The following TTI1 variants were observed in gnomAD, a reference collection of about 807,000 sequenced individuals.
TTI1 encodes the protein TELO2 interacting protein 1, also known as TELO2-interacting protein 1 homolog.
In TTI1, 52 loss-of-function variants were observed where a neutral mutation model predicts 85.4. That is an observed-to-expected ratio of 0.61 (90% confidence interval 0.49 to 0.77). The LOEUF is 0.77. TTI1 is among the 30% of genes least tolerant of loss of function. The pLI is 0.00. For missense variants in TTI1, 1,173 were observed against 1,296.0 expected (o/e 0.91, Z 1.46); for synonymous variants, 512 against 503.9 (o/e 1.02, Z -0.22).
intron 1 of TTI1, among the ~76,000 whole-genome samples, chr20:38,022,408 G>A (rs544278860): frequency 2.6e-4 from 39 of 152,128 alleles, no homozygotes; most frequent in Non-Finnish European, 3.4e-4. Context: ...TTTGTTTACT[G>A]TTTCTCTCCT....
At chr20:38,024,151 T>C (rs2073806365) in intron 1 of TTI1, among the ~76,000 whole-genome samples, 1 of 152,144 alleles carries the variant, frequency 6.6e-6, no homozygotes, top group Non-Finnish European at 1.5e-5. Flanking sequence ...ACAGAATATA[T>C]ATACAAATGA....
rs566358917 is a variant in TTI1, at chr20:38,031,826, C to T, written c.-42+1578G>A. Among the ~76,000 whole-genome samples, 40 of 152,342 alleles carry T rather than the reference C, an allele frequency of 2.6e-4. 1 individual carries two copies. Among genetic ancestry groups the T allele is most frequent in the Admixed American group, 2.4e-3 (36 of 15,300 alleles). ...CAAGTACATAGGGTACTTAACCATG[C>T]TTTACATTTTCTCGTCTATCAAATA... On this transcript the variant is annotated intron_variant, in intron 1 of 7. Coordinates refer to ENST00000373447, the MANE Select transcript of TTI1 (RefSeq NM_001303457.2).
At position 38,012,280 on chromosome 20, in the gene TTI1, G is replaced by A. The variant is rs754808837; in HGVS notation, c.1537C>T (p.His513Tyr). 1.4e-5 allele frequency: 23 copies of A among 1,614,146 alleles called. No individual in the cohort carries two copies. Among genetic ancestry groups the A allele is most frequent in the Middle Eastern group, 3.3e-4 (2 of 6,062 alleles). ...LLVDHFMELY[H>Y]QSVVYRKQAA... is the part of the protein sequence containing the mutation. ...TGCTTCCGGTAAACCACAGATTGAT[G>A]GTAAAGTTCCATAAAGTGATCCACA... is the stretch of plus-strand genomic sequence containing the variant. The change falls in exon 2 of 8, where the codon CAT becomes TAT. Residue 513 changes from histidine to tyrosine, a missense_variant. Physicochemically the swap from His to Tyr is moderately conservative, Grantham distance 83. Transcript: ENST00000373447.
At chr20:37,987,551 A>T (rs868401381) in intron 7 of TTI1, 1 of 361,358 alleles carries the variant, frequency 2.8e-6, no homozygotes, top group Admixed American at 3.7e-5. Context: ...ACAGTTATCA[A>T]GAGATTATCT....
intron 1 of TTI1, among the ~76,000 whole-genome samples, chr20:38,020,269 C>A (rs1284861874): frequency 7.4e-6 from 1 of 134,418 alleles, no homozygotes; most frequent in African/African-American, 2.8e-5. Flanking sequence ...AAAAGAATGG[C>A]CTTTTCAATT....
At chr20:38,027,751 C>G (rs975185847) in intron 1 of TTI1, among the ~76,000 whole-genome samples, 4 of 151,984 alleles carry the variant, frequency 2.6e-5, no homozygotes, top group Admixed American at 6.6e-5. Flanking sequence ...ATGGTGAAAC[C>G]CCGTCTCTAC....
chr20:38,006,240 C>G lies in TTI1; in HGVS notation c.2460G>C (p.Lys820Asn). 6.2e-7 allele frequency: 1 copy of G among 1,614,216 alleles called. No individual in the cohort carries two copies. ...CCGAGACATTTCCATCTGCCACATC[C>G]TTCTCTTTGAGGTAGTTCAGCAAAA... ...EQFLLNYLKE[K>N]DVADGNVSDF... Residue 820 changes from lysine (K) to asparagine (N), a missense_variant, in exon 3 of 8, where the codon AAG (lysine) becomes AAC (asparagine). Coordinates refer to ENST00000373447, the MANE Select transcript of TTI1 (RefSeq NM_001303457.2).
chr20:38,011,666 C>A lies in TTI1; in HGVS notation c.2151G>T (p.Lys717Asn), dbSNP rs1186832983. The A allele has an allele frequency of 6.2e-7, 1 of 1,614,190 alleles. No homozygotes were observed. Among genetic ancestry groups the A allele is most frequent in the Non-Finnish European group, 8.5e-7 (1 of 1,180,040 alleles). ...AGTTCCGCAGCATGACTTCCAGGAC[C>A]TTTGGGGTATGAGGATGCAGAGCCA... ...RHLALHPHTP[K>N]VLEVMLRNSD... Residue 717 changes from lysine to asparagine, a missense_variant, in exon 2 of 8, where the codon AAG becomes AAT. Lys to Asn is a moderately conservative substitution (Grantham distance 94, BLOSUM62 0). Transcript: ENST00000373447.
chr20:38,007,294 T>C (rs915455705), intron 2 of TTI1, among the ~76,000 whole-genome samples: 2 of 152,250 alleles, frequency 1.3e-5, no homozygotes, highest in South Asian at 2.1e-4. Context: ...CTGGCCATTT[T>C]CTCTCCAAAG....
chr20:38,021,266 C>T (rs780617549), intron 1 of TTI1, among the ~76,000 whole-genome samples: 8 of 152,190 alleles, frequency 5.3e-5, no homozygotes, highest in Non-Finnish European at 8.8e-5. Flanking sequence ...TTTGGCATAA[C>T]ACATTGCTAC....
chr20:38,028,739 C>T (rs2073867688), intron 1 of TTI1, among the ~76,000 whole-genome samples: 1 of 152,144 alleles, frequency 6.6e-6, no homozygotes, highest in Non-Finnish European at 1.5e-5. Context: ...GACAGGATCT[C>T]ACTCTATTGC....
chr20:37,996,697 G>T, intron 6 of TTI1, 52 bp downstream of exon 6: 1 of 1,560,846 alleles, frequency 6.4e-7, no homozygotes, highest in Non-Finnish European at 8.7e-7. Context: ...TGATGGCAGG[G>T]GTGAGACAGA....
chr20:37,986,640 A>T (rs1328739240), intron 7 of TTI1, among the ~76,000 whole-genome samples: 2 of 152,200 alleles, frequency 1.3e-5, no homozygotes, highest in African/African-American at 4.8e-5. Flanking sequence ...TCCAAAGATG[A>T]TCACACCTGG....
chr20:38,014,656 A>C (rs1744155235), intron 1 of TTI1, among the ~76,000 whole-genome samples: 1 of 152,220 alleles, frequency 6.6e-6, no homozygotes, highest in South Asian at 2.1e-4. Context: ...ACACAGGAGA[A>C]GACAGAGTCC....
chr20:38,032,430 C>T (rs8122010), intron 1 of TTI1, among the ~76,000 whole-genome samples: 31,381 of 152,096 alleles, frequency 0.21, 3,600 homozygotes, highest in African/African-American at 0.32. Flanking sequence ...GGAAGTTATA[C>T]CACGATCAGG....
intron 2 of TTI1, 53 bp from the exon 3 acceptor site, chr20:38,006,450 TA>T: frequency 3.8e-6 from 6 of 1,589,684 alleles, no homozygotes; most frequent in Non-Finnish European, 5.2e-6. Context: ...CAGGCATGAG[TA>T]CTTTATACAC....
chr20:38,002,882 C>A, intron 3 of TTI1, 106 bp from the exon 4 acceptor site: 1 of 1,480,310 alleles, frequency 6.8e-7, no homozygotes, highest in South Asian at 1.2e-5. Flanking sequence ...TTGGTTACAG[C>A]AGCACAAATG....
At chr20:37,997,058 A>G in intron 5 of TTI1, 105 bp from the exon 6 acceptor site, 1 of 1,240,648 alleles carries the variant, frequency 8.1e-7, no homozygotes, top group Non-Finnish European at 1.1e-6. Context: ...CTTGGGGGAA[A>G]AAAAAAATAG....
At position 37,996,914 on chromosome 20, in the gene TTI1, G is replaced by C; in HGVS notation, c.2833C>G (p.Arg945Gly). ...TLGSKCGDFL[R>G]SRFCKDVLPK... Reference sequence around the variant, plus strand: ...AGGACATCTTTGCAGAACCGGCTGCGAAGAAAGTCACCACACTTGCTTCCC... The same window carrying C: ...AGGACATCTTTGCAGAACCGGCTGCCAAGAAAGTCACCACACTTGCTTCCC... Residue 945 changes from arginine (R) to glycine (G), a missense_variant, in exon 6 of 8, where the codon CGC becomes GGC. Coordinates refer to ENST00000373447, the MANE Select transcript of TTI1 (RefSeq NM_001303457.2). 6.2e-7 allele frequency: 1 copy of C among 1,614,124 alleles called. No individual in the cohort carries two copies. Among genetic ancestry groups the C allele is most frequent in the Non-Finnish European group, 8.5e-7 (1 of 1,180,036 alleles).
Sources: allele counts gnomAD v4.1 joint callset (sites outside exome capture counted in the v4.1 genomes callset), GRCh38; gene constraint gnomAD v4.1.1; transcripts MANE v1.5; gene names NCBI Gene and HGNC (gene_info 2026-07-23, HGNC 2026-07-21).